TCEA1: variants seen among roughly 807,000 people sequenced by gnomAD.
TCEA1 encodes transcription elongation factor A protein 1.
TCEA1 carries 21 observed loss-of-function variants against 43.8 expected under a neutral mutation model. The ratio of observed to expected loss-of-function variants is 0.48; its 90% confidence interval spans 0.34 to 0.69. TCEA1 has a LOEUF of 0.69. Among genes scored for constraint, TCEA1 ranks in the 30% least tolerant of loss-of-function variants. The pLI is 0.01. For synonymous variants in TCEA1, 104 were observed against 117.5 expected (o/e 0.88, Z 0.75); for missense variants, 250 against 365.1 (o/e 0.68, Z 2.57).
chr8:53,988,760 A>T (rs1481853292), intron 4 of TCEA1, among the ~76,000 whole-genome samples: 1 of 152,084 alleles, frequency 6.6e-6, no homozygotes. Context: ...AGATAGAGAG[A>T]GAGAATGCTT....
At chr8:53,973,063 A>AT (rs1803212441) in intron 8 of TCEA1, 19 of 671,140 alleles carry the variant, frequency 2.8e-5, no homozygotes, top group South Asian at 2.3e-4. Flanking sequence ...TTGGACATGG[A>AT]TTTTCAAGAC....
Position 53,996,903 on chromosome 8 carries a change from C to CTTTTTTTT in TCEA1, c.232+3034_232+3041dup, listed in dbSNP as rs754537318. 3.6e-4 allele frequency among the ~76,000 whole-genome samples: 42 copies of CTTTTTTTT among 116,594 alleles called. 2 individuals are homozygous for CTTTTTTTT. The highest frequency in any genetic ancestry group is 1.2e-3 in the African/African-American group (33 of 26,732). The allele number at this position is 116,594 out of a possible 152,430, so 76.5% of individuals were successfully genotyped here. A position where few individuals can be genotyped will look rare whatever the true frequency, so the allele number is the denominator to read the frequency against. On this transcript the variant is annotated intron_variant, in intron 3 of 9. Transcript: ENST00000521604. The stretch of plus-strand genomic sequence containing the variant: ...AGCTAAGGGGTAAAAAGAAGGTTGT[C>CTTTTTTTT]TTTTTTTTTTTTTTTAGACAGACTC...
At chr8:54,010,286 TATTGCCATCTTTA>T in intron 2 of TCEA1, 131 bp downstream of exon 2, 1 of 643,032 alleles carries the variant, frequency 1.6e-6, no homozygotes, top group Non-Finnish European at 2.7e-6. Flanking sequence ...TATTGATTTA[TATTGCCATCTTTA>T]AAAAAAAATA....
At chr8:54,021,749 T>C (rs925325797) in intron 1 of TCEA1, 11 of 263,558 alleles carry the variant, frequency 4.2e-5, no homozygotes, top group African/African-American at 1.6e-4. Context: ...CTAAGCTAAA[T>C]TGCCAAGGTT....
intron 2 of TCEA1, among the ~76,000 whole-genome samples, chr8:54,009,483 A>G (rs1804581284): frequency 1.3e-5 from 2 of 152,246 alleles, no homozygotes; most frequent in South Asian, 4.1e-4. Flanking sequence ...ATGAAATACC[A>G]TCAGTTATAA....
chr8:54,004,331 T>C (rs1804369896), intron 2 of TCEA1, among the ~76,000 whole-genome samples: 1 of 152,168 alleles, frequency 6.6e-6, no homozygotes, highest in South Asian at 2.1e-4. Context: ...AACTTGTATA[T>C]AAACACGCAT....
Position 53,993,669 on chromosome 8 carries a change from T to G in TCEA1, c.319A>C (p.Ser107Arg). The G allele has an allele frequency of 6.2e-7, 1 of 1,611,070 alleles. No homozygotes were observed. The highest frequency in any genetic ancestry group is 8.5e-7 in the Non-Finnish European group (1 of 1,178,412). ...ATATATGTCTATACTGTGAAGTACC[T>G]TTCTTCTCTTGCCTCAGGGCTGTTC... is the stretch of plus-strand genomic sequence containing the variant. Reference protein sequence around the residue: ...SQNSPEAREESTSSGNVSNRK... With the variant: ...SQNSPEAREERTSSGNVSNRK... The change falls in exon 4 of 10, where the codon AGT becomes CGT. Residue 107 changes from serine to arginine, a missense_variant and splice_region_variant. Transcript: ENST00000521604.
chr8:53,984,688 C>T (rs963883803), intron 6 of TCEA1, among the ~76,000 whole-genome samples, 171 bp from the exon 7 acceptor site: 3 of 152,002 alleles, frequency 2.0e-5, no homozygotes, highest in Non-Finnish European at 4.4e-5. Flanking sequence ...TCGAGACCAT[C>T]CCGGCTAACA....
intron 4 of TCEA1, 58 bp downstream of exon 4, chr8:53,993,610 G>C: frequency 7.2e-7 from 1 of 1,398,292 alleles, no homozygotes; most frequent in Non-Finnish European, 9.9e-7. Flanking sequence ...CAGGGGAATT[G>C]ATGCAGGAAG....
chr8:54,007,133 G>T (rs1435385141), intron 2 of TCEA1, among the ~76,000 whole-genome samples: 2 of 151,948 alleles, frequency 1.3e-5, no homozygotes, highest in Non-Finnish European at 2.9e-5. Context: ...TGAGCCACCT[G>T]GTCGGCCTAG....
chr8:54,005,084 A>T (rs561593191), intron 2 of TCEA1, among the ~76,000 whole-genome samples: 2 of 151,848 alleles, frequency 1.3e-5, no homozygotes. Flanking sequence ...ACTCCCAAGG[A>T]CTCTTCAGAT....
intron 2 of TCEA1, among the ~76,000 whole-genome samples, chr8:54,002,549 C>G (rs1273282580): frequency 6.8e-6 from 1 of 147,092 alleles, no homozygotes; most frequent in Non-Finnish European, 1.5e-5. Context: ...TTCTTTTTTC[C>G]TTTGGGGGTA....
intron 2 of TCEA1, among the ~76,000 whole-genome samples, chr8:54,009,182 A>G (rs1424689703): frequency 6.6e-6 from 1 of 151,922 alleles, no homozygotes; most frequent in Non-Finnish European, 1.5e-5. Flanking sequence ...AAAAAAACAG[A>G]TGCTGGTGAA....
rs770682851 is a variant in TCEA1, at chr8:54,005,384, T to C, written c.126+5046A>G. On this transcript the variant is annotated intron_variant, in intron 2 of 9. Coordinates refer to ENST00000521604, the MANE Select transcript of TCEA1 (RefSeq NM_006756.4). ...CATTTCCATCACTGCAAAGTCATAC[T>C]TGACAGCACTGCTAGGGAGGACATA... Among the ~76,000 whole-genome samples, 11 of 152,292 alleles carry C rather than the reference T, an allele frequency of 7.2e-5. 1 individual carries two copies. Among genetic ancestry groups the C allele is most frequent in the African/African-American group, 1.9e-4 (8 of 41,576 alleles).
At chr8:54,021,459 T>C (rs534423750) in intron 1 of TCEA1, 1 of 152,358 alleles carries the variant, frequency 6.6e-6, no homozygotes, top group South Asian at 2.1e-4. Flanking sequence ...TTCTGTACAT[T>C]ACGACAGGAC....
chr8:53,988,048 A>C (rs1327025186), intron 5 of TCEA1, 66 bp downstream of exon 5: 6 of 1,561,436 alleles, frequency 3.8e-6, no homozygotes, highest in South Asian at 3.6e-5. Flanking sequence ...AGCAATATGG[A>C]GTTGGAGATG....
At chr8:54,001,302 A>AAGC (rs1357392498) in intron 2 of TCEA1, among the ~76,000 whole-genome samples, 3 of 152,220 alleles carry the variant, frequency 2.0e-5, no homozygotes, top group Non-Finnish European at 4.4e-5. Context: ...GAGACACCCT[A>AAGC]TTGTAAGCTT....
intron 3 of TCEA1, among the ~76,000 whole-genome samples, chr8:53,998,020 A>T (rs976629812): frequency 1.3e-5 from 2 of 152,192 alleles, no homozygotes; most frequent in African/African-American, 4.8e-5. Context: ...ATTCATTACA[A>T]TTGGTCATTT....
rs1327278870 is a variant in TCEA1 at position 53,989,978 on chromosome 8, G to A, written c.321-1719C>T. On this transcript the variant is annotated intron_variant, in intron 4 of 9. Coordinates refer to ENST00000521604, the MANE Select transcript of TCEA1 (RefSeq NM_006756.4). The stretch of plus-strand genomic sequence containing the variant: ...TGGCCGGGCAAGCTGGCTCATGCCT[G>A]TAATCCCAGGAGTTCAAGAACAGCC... 2.0e-5 allele frequency among the ~76,000 whole-genome samples: 3 copies of A among 152,128 alleles called. No homozygotes were observed. The East Asian group carries it at 5.8e-4, about 29-fold the overall frequency.
Sources: allele counts gnomAD v4.1 joint callset (sites outside exome capture counted in the v4.1 genomes callset), GRCh38; gene constraint gnomAD v4.1.1; transcripts MANE v1.5; gene names NCBI Gene and HGNC (gene_info 2026-07-23, HGNC 2026-07-21).